CCDC198: variants seen among roughly 807,000 people sequenced by gnomAD.
CCDC198 encodes the protein coiled-coil domain containing 198, also known as factor associated with metabolism and energy.
CCDC198 carries 18 observed loss-of-function variants against 35.6 expected under a neutral mutation model. The ratio of observed to expected loss-of-function variants is 0.51; its 90% CI spans 0.35 to 0.75. The LOEUF (loss-of-function observed/expected upper bound fraction) is 0.75, where lower values mean the gene tolerates loss of function less well. CCDC198 is among the 30% of genes least tolerant of loss of function. The probability of loss-of-function intolerance (pLI) is 0.01; values close to 1 mark genes in which losing one functional copy is unlikely to be tolerated. For missense variants in CCDC198, 365 were observed against 343.7 expected (o/e 1.06, Z -0.49); for synonymous variants, 119 against 113.4 (o/e 1.05, Z -0.31).
At chr14:57,473,769 A>G (rs1483781982) in intron 5 of CCDC198, among the ~76,000 whole-genome samples, 2 of 152,168 alleles carry the variant, frequency 1.3e-5, no homozygotes, top group Non-Finnish European at 2.9e-5. Flanking sequence ...GTGGCTTCCC[A>G]TTGATCTTAA....
rs769993019 is a variant in CCDC198 at position 57,493,659 on chromosome 14, T to C, written c.57A>G (p.Gln19=). 1 of 1,613,914 alleles carries C rather than the reference T, an allele frequency of 6.2e-7. No homozygotes were observed. The highest frequency in any genetic ancestry group is 8.5e-7 in the Non-Finnish European group (1 of 1,179,922). The change falls in exon 1 of 6, where the codon CAA becomes CAG. Residue 19 remains glutamine, a synonymous_variant. Transcript: ENST00000216445. ...HLRVIKVAPL[Q]NKEVETPSAG... is the part of the protein sequence containing the mutation. ...CCGAGGGAGTCTCTACCTCTTTGTT[T>C]TGCAAAGGTGCTACTTTGATCACCC...
At chr14:57,487,127 T>C (rs2067389393) in intron 2 of CCDC198, among the ~76,000 whole-genome samples, 3 of 152,190 alleles carry the variant, frequency 2.0e-5, no homozygotes, top group Admixed American at 2.0e-4. Context: ...GCCCAGGAAG[T>C]GAGATGCCTC....
chr14:57,488,729 C>T (rs573529053), intron 2 of CCDC198, among the ~76,000 whole-genome samples: 3 of 152,100 alleles, frequency 2.0e-5, no homozygotes, highest in Non-Finnish European at 4.4e-5. Context: ...CATGAACAGA[C>T]ACTTCTCAAA....
At chr14:57,476,969 C>T (rs577365998) in intron 5 of CCDC198, among the ~76,000 whole-genome samples, 30 of 152,308 alleles carry the variant, frequency 2.0e-4, no homozygotes, top group African/African-American at 6.3e-4. Context: ...TGAAGGCTGT[C>T]GCCTCAGGAG....
At position 57,471,596 on chromosome 14, in the gene CCDC198, A is replaced by C. The variant is rs774739800; in HGVS notation, c.656-6T>G. 1.3e-6 allele frequency: 2 copies of C among 1,504,150 alleles called. No individual in the cohort carries two copies. Among genetic ancestry groups the C allele is most frequent in the South Asian group, 2.5e-5 (2 of 80,990 alleles). 93.2% of individuals were successfully genotyped at this position (1,504,150 alleles called of 1,614,324 possible). A position where few individuals can be genotyped will look rare whatever the true frequency, so the allele number is the denominator to read the frequency against. ...TTCTGTATTCTTTGAATTTCCTACA[A>C]AAAAATTAAGTTTCTTTAATTTTTT... On this transcript the variant is annotated splice_region_variant and splice_polypyrimidine_tract_variant and intron_variant, in intron 5 of 5. Transcript: ENST00000216445.
At chr14:57,492,110 C>G (rs931973804) in intron 1 of CCDC198, among the ~76,000 whole-genome samples, 1 of 151,984 alleles carries the variant, frequency 6.6e-6, no homozygotes, top group Non-Finnish European at 1.5e-5. Context: ...GACATTACTC[C>G]ATTATTTAAT....
intron 2 of CCDC198, among the ~76,000 whole-genome samples, chr14:57,487,390 G>A (rs976682174): frequency 1.3e-5 from 2 of 152,048 alleles, no homozygotes; most frequent in East Asian, 3.9e-4. Flanking sequence ...GGTCAGGGTG[G>A]GTCTTATAGG....
At chr14:57,477,154 T>C (rs1213540955) in intron 5 of CCDC198, among the ~76,000 whole-genome samples, 2 of 152,238 alleles carry the variant, frequency 1.3e-5, no homozygotes, top group Non-Finnish European at 2.9e-5. Flanking sequence ...TTAAAATTCT[T>C]AGAAGCACTT....
intron 5 of CCDC198, among the ~76,000 whole-genome samples, chr14:57,473,353 A>G (rs756125752): frequency 6.6e-6 from 1 of 152,184 alleles, no homozygotes; most frequent in Non-Finnish European, 1.5e-5. Flanking sequence ...CTACTTGGCA[A>G]TAATGCAGCC....
chr14:57,483,424 T>C, intron 2 of CCDC198: 2 of 386,998 alleles, frequency 5.2e-6, no homozygotes, highest in Non-Finnish European at 9.6e-6. Flanking sequence ...CTCTTCTGTC[T>C]GCATTAAGGG....
intron 5 of CCDC198, among the ~76,000 whole-genome samples, chr14:57,478,098 CCTT>C (rs1397320658): frequency 1.3e-5 from 2 of 152,152 alleles, no homozygotes; most frequent in African/African-American, 2.4e-5. Context: ...CTGAGTTACT[CCTT>C]CTATTCTCCC....
intron 5 of CCDC198, among the ~76,000 whole-genome samples, chr14:57,473,375 T>G (rs1202693511): frequency 2.0e-5 from 3 of 152,180 alleles, no homozygotes; most frequent in Non-Finnish European, 4.4e-5. Flanking sequence ...TACCTTCTCT[T>G]TCTCTCACAA....
chr14:57,483,749 C>T (rs777900796), intron 2 of CCDC198, among the ~76,000 whole-genome samples: 4 of 152,206 alleles, frequency 2.6e-5, no homozygotes, highest in Admixed American at 6.5e-5. Context: ...CAATTCATGT[C>T]AACCGGTCTG....
At chr14:57,476,842 A>G (rs2067013419) in intron 5 of CCDC198, among the ~76,000 whole-genome samples, 1 of 152,226 alleles carries the variant, frequency 6.6e-6, no homozygotes, top group Admixed American at 6.5e-5. Flanking sequence ...GATCTTAGCT[A>G]CACTCCATTT....
At chr14:57,471,638 ATTTG>A in intron 5 of CCDC198, 48 bp from the exon 6 acceptor site, 1 of 1,101,770 alleles carries the variant, frequency 9.1e-7, no homozygotes, top group Non-Finnish European at 1.3e-6. Context: ...GCAATGATTT[ATTTG>A]TTTATTAAGT....
At chr14:57,486,581 T>C (rs530622247) in intron 2 of CCDC198, among the ~76,000 whole-genome samples, 2 of 152,298 alleles carry the variant, frequency 1.3e-5, no homozygotes, top group South Asian at 2.1e-4. Flanking sequence ...GGGATTCTGA[T>C]GATTTCTTTC....
Position 57,481,146 on chromosome 14 carries a change from G to T in CCDC198, c.496-392C>A, listed in dbSNP as rs545795420. 3.9e-5 allele frequency among the ~76,000 whole-genome samples: 6 copies of T among 152,186 alleles called. No homozygotes were observed. The South Asian group carries it at 1.2e-3, about 32-fold the overall frequency. On this transcript the variant is annotated intron_variant, in intron 4 of 5. Transcript: ENST00000216445. ...GTTTTTTTGTTTGTTTGGTTGGTTG[G>T]TTGTTTTTTTTACAAGAGGTCTTTC...
At chr14:57,483,365 A>G (rs936021569) in intron 2 of CCDC198, 1 of 592,856 alleles carries the variant, frequency 1.7e-6, no homozygotes, top group Non-Finnish European at 2.9e-6. Flanking sequence ...CACTGTCGAC[A>G]GTGCCTTATT....
At chr14:57,479,932 C>G (rs1255850503) in intron 5 of CCDC198, among the ~76,000 whole-genome samples, 1 of 152,052 alleles carries the variant, frequency 6.6e-6, no homozygotes. Context: ...TAGCTGGAGC[C>G]CTGGTGTAAC....
Sources: gnomAD v4.1 joint callset for allele counts (sites outside exome capture counted in the v4.1 genomes callset) on GRCh38, gnomAD v4.1.1 for gene constraint, MANE v1.5 for transcripts, NCBI Gene and HGNC (gene_info 2026-07-23, HGNC 2026-07-21) for gene names.